Variants in NKAIN3 observed in about 807,000 individuals in gnomAD.
NKAIN3 encodes sodium/potassium-transporting ATPase subunit beta-1-interacting protein 3.
NKAIN3 carries 25 observed loss-of-function variants against 30.2 expected under a neutral mutation model. The observed-to-expected ratio is 0.83, with a 90% CI of 0.60 to 1.16. The LOEUF (loss-of-function observed/expected upper bound fraction) is 1.16. NKAIN3 is among the 50% of genes most tolerant of loss of function. The pLI is 0.00. For missense variants in NKAIN3, 225 were observed against 254.1 expected, an observed-to-expected ratio of 0.89 and a Z score of 0.78; for synonymous variants, 91 against 89.6, an observed-to-expected ratio of 1.02 and a Z score of -0.09.
At chr8:62,439,592 A>G (rs1004480678) in intron 1 of NKAIN3, among the ~76,000 whole-genome samples, 3 of 152,154 alleles carry the variant, frequency 2.0e-5, no homozygotes, top group African/African-American at 4.8e-5. Flanking sequence ...GTTACTTTCT[A>G]TGTCAGACTT....
chr8:62,662,836 G>A (rs1225934028), intron 3 of NKAIN3, among the ~76,000 whole-genome samples: 1 of 152,158 alleles, frequency 6.6e-6, no homozygotes, highest in Non-Finnish European at 1.5e-5. Context: ...AGTAAACACT[G>A]TCCCTCTCTT....
At chr8:62,376,388 C>A (rs1817085353) in intron 1 of NKAIN3, among the ~76,000 whole-genome samples, 1 of 152,234 alleles carries the variant, frequency 6.6e-6, no homozygotes. Context: ...TGGGCCCAGG[C>A]CTTACTTGTA....
intron 4 of NKAIN3, among the ~76,000 whole-genome samples, chr8:62,868,283 A>G (rs904810292): frequency 6.6e-6 from 1 of 151,936 alleles, no homozygotes; most frequent in Non-Finnish European, 1.5e-5. Context: ...CATCATACTG[A>G]TGGTATAGAG....
At chr8:62,529,945 C>A (rs957664852) in intron 1 of NKAIN3, among the ~76,000 whole-genome samples, 1 of 152,142 alleles carries the variant, frequency 6.6e-6, no homozygotes, top group Non-Finnish European at 1.5e-5. Flanking sequence ...CCAGTTCTGG[C>A]ACCATCCAGT....
In NKAIN3 at chr8:62,971,145, C is replaced by A. The variant is rs1264378988; in HGVS notation, c.*5738C>A. On this transcript the variant is annotated 3_prime_UTR_variant, in exon 7 of 7. Coordinates refer to ENST00000623646, the MANE Select transcript of NKAIN3 (RefSeq NM_001304533.3). ...CTCAAAATGGCTGCTGAAGCTTCAG[C>A]CATTGGTTTTGTATTCTGGCCTTGG... Among the ~76,000 whole-genome samples the A allele has an allele frequency of 6.6e-6, 1 of 152,034 alleles. No homozygotes were observed. The highest frequency in any genetic ancestry group is 1.5e-5 in the Non-Finnish European group (1 of 68,018).
At chr8:62,340,173 A>C (rs1340385335) in intron 1 of NKAIN3, among the ~76,000 whole-genome samples, 1 of 152,086 alleles carries the variant, frequency 6.6e-6, no homozygotes, top group African/African-American at 2.4e-5. Flanking sequence ...TTGATGAAGA[A>C]TAGTCATGTA....
chr8:62,904,392 G>A (rs762998539), intron 4 of NKAIN3, among the ~76,000 whole-genome samples: 1 of 152,204 alleles, frequency 6.6e-6, no homozygotes, highest in Non-Finnish European at 1.5e-5. Flanking sequence ...TAAATGAAAA[G>A]ACTCTACTAT....
At position 62,479,306 on chromosome 8, in the gene NKAIN3, A is replaced by G. The variant is rs1298413214; in HGVS notation, c.55-100233A>G. Among the ~76,000 whole-genome samples the G allele has an allele frequency of 2.0e-5, 3 of 152,168 alleles. No individual in the cohort carries two copies. The East Asian group carries it at 5.8e-4, about 29-fold the overall frequency. On this transcript the variant is annotated intron_variant, in intron 1 of 6. Transcript: ENST00000623646. ...GTTCTCTGACAGGTACTCTACCTACATTATCTCATTTGGCCCCCTAAGCAA... is the reference window on the plus strand; with the variant it reads ...GTTCTCTGACAGGTACTCTACCTACGTTATCTCATTTGGCCCCCTAAGCAA...
chr8:62,763,388 T>C (rs1010483376), intron 4 of NKAIN3, among the ~76,000 whole-genome samples: 2 of 152,174 alleles, frequency 1.3e-5, no homozygotes, highest in Non-Finnish European at 2.9e-5. Flanking sequence ...AAGCAATTAG[T>C]GTGTATCAGC....
At chr8:62,767,703 C>A (rs532704593) in intron 4 of NKAIN3, among the ~76,000 whole-genome samples, 3 of 151,788 alleles carry the variant, frequency 2.0e-5, no homozygotes, top group Admixed American at 2.0e-4. Flanking sequence ...TCTGCTAGAC[C>A]GATCTTCTCA....
chr8:62,276,490 T>G (rs1178537995), intron 1 of NKAIN3, among the ~76,000 whole-genome samples: 1 of 152,230 alleles, frequency 6.6e-6, no homozygotes, highest in African/African-American at 2.4e-5. Flanking sequence ...ATTATTGTGC[T>G]GCTGATGATC....
At chr8:62,790,497 G>A (rs540456121) in intron 4 of NKAIN3, among the ~76,000 whole-genome samples, 1 of 151,906 alleles carries the variant, frequency 6.6e-6, no homozygotes, top group Non-Finnish European at 1.5e-5. Context: ...TTTTCTTGCT[G>A]TCTTGGTGTG....
intron 1 of NKAIN3, among the ~76,000 whole-genome samples, chr8:62,427,992 C>A (rs767480439): frequency 1.4e-4 from 21 of 151,894 alleles, no homozygotes; most frequent in Non-Finnish European, 2.7e-4. Context: ...TTTCACCCCC[C>A]ACTTGCCATT....
intron 2 of NKAIN3, 53 bp downstream of exon 2, chr8:62,579,729 A>G: frequency 9.4e-7 from 1 of 1,062,762 alleles, no homozygotes; most frequent in East Asian, 3.1e-5. Flanking sequence ...AAATTTCTAT[A>G]AGAATATAAA....
chr8:62,529,432 A>C (rs1302299792), intron 1 of NKAIN3, among the ~76,000 whole-genome samples: 2 of 152,138 alleles, frequency 1.3e-5, no homozygotes, highest in Non-Finnish European at 2.9e-5. Context: ...TGAAATCCTA[A>C]CAACGAACGT....
chr8:62,307,156 C>A (rs1188374755), intron 1 of NKAIN3, among the ~76,000 whole-genome samples: 2 of 149,496 alleles, frequency 1.3e-5, no homozygotes, highest in East Asian at 3.9e-4. Context: ...CAGCTGGTAT[C>A]TCCTGGTGAC....
chr8:62,883,457 G>GTTTTTTTT (rs71559381), intron 4 of NKAIN3, among the ~76,000 whole-genome samples: 16 of 70,224 alleles, frequency 2.3e-4, no homozygotes, highest in Admixed American at 3.7e-4. Context: ...AGTTTTATGG[G>GTTTTTTTT]TTTTTTTTTT....
intron 3 of NKAIN3, among the ~76,000 whole-genome samples, chr8:62,733,676 C>T (rs1370718159): frequency 6.6e-6 from 1 of 151,854 alleles, no homozygotes; most frequent in Non-Finnish European, 1.5e-5. Flanking sequence ...CTAATATTGC[C>T]TCCTACTCAT....
At chr8:62,532,622 G>T (rs1323385030) in intron 1 of NKAIN3, among the ~76,000 whole-genome samples, 1 of 152,162 alleles carries the variant, frequency 6.6e-6, no homozygotes, top group Non-Finnish European at 1.5e-5. Context: ...GCAATATCTG[G>T]ATGAACACCG....
Sources: gnomAD v4.1 joint callset for allele counts (sites outside exome capture counted in the v4.1 genomes callset) on GRCh38, gnomAD v4.1.1 for gene constraint, MANE v1.5 for transcripts, NCBI Gene and HGNC (gene_info 2026-07-23, HGNC 2026-07-21) for gene names.